Variants in MUC7 observed in about 807,000 individuals in gnomAD.
MUC7 encodes mucin-7.
In MUC7, 2 loss-of-function variants were observed where a neutral mutation model predicts 2.5. That is an observed-to-expected ratio of 0.81 (90% CI 0.33 to 2.55). The LOEUF (loss-of-function observed/expected upper bound fraction) is 2.55. Ranked by LOEUF, MUC7 falls within the 30% of genes most tolerant of loss-of-function variation. The pLI, the probability that MUC7 is intolerant of heterozygous loss-of-function variation, is 0.11. For synonymous variants in MUC7, 133 were observed against 173.4 expected, an observed-to-expected ratio of 0.77 and a Z score of 1.83; for missense variants, 408 against 455.6, an observed-to-expected ratio of 0.90 and a Z score of 0.95.
intron 1 of MUC7, among the ~76,000 whole-genome samples, chr4:70,431,482 T>A (rs941363385): frequency 1.3e-5 from 2 of 151,412 alleles, no homozygotes; most frequent in Non-Finnish European, 2.9e-5. Context: ...TACTAGTGGG[T>A]TTTTTTTGGG....
intron 1 of MUC7, among the ~76,000 whole-genome samples, chr4:70,464,833 T>G (rs962349487): frequency 6.6e-6 from 1 of 152,124 alleles, no homozygotes; most frequent in African/African-American, 2.4e-5. Context: ...TCAGCTGACT[T>G]AAACCTTCCC....
In MUC7 at chr4:70,481,325, C is replaced by T; in HGVS notation, c.581C>T (p.Thr194Ile). The change falls in exon 3 of 3, where the codon ACA (threonine) becomes ATA (isoleucine). Residue 194 changes from threonine to isoleucine, a missense_variant. Around this residue, in one of 3 missense-constraint regions of MUC7, gnomAD observed 225 missense variants for 240.5 expected, o/e 0.94. Transcript: ENST00000304887. Reference protein sequence around the residue: ...APPETTAAPPTPSATTQAPPS... With the variant: ...APPETTAAPPIPSATTQAPPS... ...CCAGAGACCACAGCTGCCCCACCCA[C>T]ACCTTCTGCAACTACACAAGCTCCA... 6.2e-7 allele frequency: 1 copy of T among 1,612,278 alleles called. No individual in the cohort carries two copies. Among genetic ancestry groups the T allele is most frequent in the Admixed American group, 1.7e-5 (1 of 59,842 alleles).
chr4:70,433,940 G>A (rs1733751014), intron 1 of MUC7, among the ~76,000 whole-genome samples: 1 of 152,206 alleles, frequency 6.6e-6, no homozygotes, highest in African/African-American at 2.4e-5. Context: ...ATGACAGGCT[G>A]TTGAATTTTG....
At chr4:70,445,753 G>T (rs546387423) in intron 1 of MUC7, among the ~76,000 whole-genome samples, 1 of 152,324 alleles carries the variant, frequency 6.6e-6, no homozygotes, top group East Asian at 1.9e-4. Flanking sequence ...ACCAATTGCT[G>T]AAAGGTATTA....
rs771808924 is a variant in MUC7, at chr4:70,481,953, A to G, written c.*75A>G. On this transcript the variant is annotated 3_prime_UTR_variant, in exon 3 of 3. Transcript: ENST00000304887. ...AGTGCAGAACTACCACCTTTCTTTT[A>G]GCACCAATCCCAACATGAAATTATA... 3 of 1,480,718 alleles carry G rather than the reference A, an allele frequency of 2.0e-6. No homozygotes were observed. Among genetic ancestry groups the G allele is most frequent in the Non-Finnish European group, 2.7e-6 (3 of 1,096,996 alleles). The allele number at this position is 1,480,718 out of a possible 1,614,324, so 91.7% of individuals were successfully genotyped here.
chr4:70,448,778 G>T (rs565003304), intron 1 of MUC7, among the ~76,000 whole-genome samples: 2 of 152,078 alleles, frequency 1.3e-5, no homozygotes, highest in Non-Finnish European at 2.9e-5. Flanking sequence ...TTAATTTTAT[G>T]TGATCCCATT....
intron 1 of MUC7, among the ~76,000 whole-genome samples, chr4:70,431,968 A>G (rs4694059): frequency 0.34 from 51,169 of 151,974 alleles, 9,647 homozygotes; most frequent in Admixed American, 0.43. Context: ...TCATTGTTCA[A>G]TTCCCACCTA....
At chr4:70,464,039 A>G (rs1159799358) in intron 1 of MUC7, among the ~76,000 whole-genome samples, 2 of 152,180 alleles carry the variant, frequency 1.3e-5, no homozygotes, top group Non-Finnish European at 2.9e-5. Flanking sequence ...TGCATTTCCA[A>G]CTGAGATACC....
At chr4:70,464,518 C>A (rs1213104105) in intron 1 of MUC7, among the ~76,000 whole-genome samples, 2 of 152,144 alleles carry the variant, frequency 1.3e-5, no homozygotes, top group Non-Finnish European at 2.9e-5. Context: ...TCGCTGCGAG[C>A]ACAACAGTCT....
At chr4:70,441,159 T>G (rs537867262) in intron 1 of MUC7, among the ~76,000 whole-genome samples, 1 of 152,292 alleles carries the variant, frequency 6.6e-6, no homozygotes, top group South Asian at 2.1e-4. Context: ...GCAGACAGAT[T>G]ATATCCCTAC....
At chr4:70,479,392 C>T (rs376300499) in intron 2 of MUC7, among the ~76,000 whole-genome samples, 6 of 152,292 alleles carry the variant, frequency 3.9e-5, no homozygotes, top group African/African-American at 1.2e-4. Context: ...AGTTAAACAA[C>T]TCAGCTAGTC....
intron 1 of MUC7, among the ~76,000 whole-genome samples, chr4:70,441,359 G>A (rs939249414): frequency 1.2e-4 from 19 of 152,110 alleles, no homozygotes; most frequent in African/African-American, 4.6e-4. Context: ...ATGTTAGGAT[G>A]AAAATACTGG....
intron 2 of MUC7, among the ~76,000 whole-genome samples, chr4:70,475,096 T>A (rs1333308386): frequency 6.6e-6 from 1 of 152,050 alleles, no homozygotes; most frequent in East Asian, 1.9e-4. Flanking sequence ...CTGGCCAACA[T>A]GGTGAAACCC....
chr4:70,456,074 G>T (rs1028077212), intron 1 of MUC7, among the ~76,000 whole-genome samples: 6 of 152,094 alleles, frequency 3.9e-5, no homozygotes, highest in Non-Finnish European at 7.3e-5. Flanking sequence ...TCTCTAGGAG[G>T]TTCCAAAATT....
At chr4:70,470,389 C>T (rs945615009), upstream of MUC7, among the ~76,000 whole-genome samples, 6 of 151,846 alleles carry the variant, frequency 4.0e-5, no homozygotes, top group Non-Finnish European at 7.4e-5. Flanking sequence ...ACATGTATCC[C>T]AAGAGAATAT....
At chr4:70,475,933 C>T (rs1235510349) in intron 2 of MUC7, among the ~76,000 whole-genome samples, 6 of 152,084 alleles carry the variant, frequency 3.9e-5, no homozygotes, top group South Asian at 2.1e-4. Flanking sequence ...GGCTTTTTCC[C>T]GGACCCTAAT....
chr4:70,464,079 G>A (rs1445228072), intron 1 of MUC7, among the ~76,000 whole-genome samples: 1 of 152,212 alleles, frequency 6.6e-6, no homozygotes, highest in East Asian at 1.9e-4. Flanking sequence ...TGGTTAGATA[G>A]TGGGTGCAGC....
intron 1 of MUC7, among the ~76,000 whole-genome samples, chr4:70,446,309 G>T (rs1262885166): frequency 2.6e-5 from 4 of 151,974 alleles, no homozygotes; most frequent in Non-Finnish European, 5.9e-5. Context: ...GCACATTCTG[G>T]GTGGCTTAAA....
intron 1 of MUC7, among the ~76,000 whole-genome samples, chr4:70,449,317 G>A (rs778914028): frequency 2.6e-5 from 4 of 152,194 alleles, no homozygotes; most frequent in South Asian, 2.1e-4. Flanking sequence ...CAATTGTGAC[G>A]GAAAGCAAAA....
Sources: gnomAD v4.1 joint callset for allele counts (sites outside exome capture counted in the v4.1 genomes callset) on GRCh38, gnomAD v4.1.1 for gene constraint, gnomAD v4.1.1 regional missense constraint, MANE v1.5 for transcripts, NCBI Gene and HGNC (gene_info 2026-07-23, HGNC 2026-07-21) for gene names.